Variants in BACH2 observed in about 807,000 individuals in gnomAD.
BACH2 encodes the protein transcription regulator protein BACH2.
Under a neutral mutation model 61.8 loss-of-function variants are expected in BACH2, and 5 were observed. That is an observed-to-expected ratio of 0.08 (90% CI 0.04 to 0.17). The LOEUF (loss-of-function observed/expected upper bound fraction) is 0.17. Among genes scored for constraint, BACH2 ranks in the 10% least tolerant of loss-of-function variants. The pLI is 1.00. For missense variants in BACH2, 824 were observed against 1,091.1 expected, an observed-to-expected ratio of 0.76 and a Z score of 3.45; for synonymous variants, 446 against 440.1, an observed-to-expected ratio of 1.01 and a Z score of -0.17.
At chr6:90,118,108 G>A (rs372672974) in intron 4 of BACH2, among the ~76,000 whole-genome samples, 1 of 152,160 alleles carries the variant, frequency 6.6e-6, no homozygotes, top group Non-Finnish European at 1.5e-5. Flanking sequence ...GGTCCTTAAA[G>A]TTGAAGTTCC....
At chr6:90,006,330 C>A (rs1401684279) in intron 6 of BACH2, among the ~76,000 whole-genome samples, 1 of 152,152 alleles carries the variant, frequency 6.6e-6, no homozygotes, top group Non-Finnish European at 1.5e-5. Flanking sequence ...GGCAGGACAG[C>A]TAGTTAAGTA....
intron 2 of BACH2, among the ~76,000 whole-genome samples, chr6:90,267,384 C>T (rs1333486568): frequency 6.6e-6 from 1 of 152,068 alleles, no homozygotes; most frequent in Non-Finnish European, 1.5e-5. Flanking sequence ...CACTTTACAC[C>T]GCAGAGAGAG....
intron 7 of BACH2, among the ~76,000 whole-genome samples, chr6:89,941,146 G>A (rs926240319): frequency 6.6e-6 from 1 of 152,198 alleles, no homozygotes; most frequent in African/African-American, 2.4e-5. Context: ...AGGGAGTGAG[G>A]ATGAAGACAT....
chr6:90,244,095 C>T (rs952799454), intron 3 of BACH2, among the ~76,000 whole-genome samples: 3 of 151,804 alleles, frequency 2.0e-5, no homozygotes, highest in Non-Finnish European at 4.4e-5. Flanking sequence ...CTAATTTTTG[C>T]AATTTTAGTA....
rs536831236 is a variant in BACH2, at chr6:90,052,599, TTAG to T, written c.-13+36359_-13+36361del. On this transcript the variant is annotated intron_variant, in intron 5 of 8. Coordinates refer to ENST00000257749, the MANE Select transcript of BACH2 (RefSeq NM_021813.4). ...CATGCCTGGCTAATTTTTCATATTT[TTAG>T]TAGAGACAGGGTTTCGCCATGTTGG... Among the ~76,000 whole-genome samples, 7 of 152,290 alleles carry T rather than the reference TTAG, an allele frequency of 4.6e-5. No homozygotes were observed. In the South Asian group the frequency reaches 1.0e-3, roughly 23 times the overall value.
Position 90,035,729 on chromosome 6 carries a change from T to G in BACH2, c.-12-26873A>C, listed in dbSNP as rs145513935. On this transcript the variant is annotated intron_variant, in intron 5 of 8. Coordinates refer to ENST00000257749, the MANE Select transcript of BACH2 (RefSeq NM_021813.4). ...AGGAAGACAGGGTGAAAAAACAGTT[T>G]CATTTCAGTGGTAGAAAGAACTTGT... 3.9e-5 allele frequency among the ~76,000 whole-genome samples: 6 copies of G among 152,154 alleles called. No homozygotes were observed. The East Asian group carries it at 1.2e-3, about 29-fold the overall frequency.
intron 4 of BACH2, among the ~76,000 whole-genome samples, chr6:90,133,522 TTTTATTTTA>T (rs1288923666): frequency 6.6e-6 from 1 of 150,526 alleles, no homozygotes; most frequent in African/African-American, 2.5e-5. Context: ...TTTCTTTTTA[TTTTATTTTA>T]TTTATTTATT....
rs942936266 is a variant in BACH2, at chr6:89,995,599, C to T, written c.243+13003G>A. Among the ~76,000 whole-genome samples, 11 of 152,230 alleles carry T rather than the reference C, an allele frequency of 7.2e-5. 1 individual carries two copies. In the South Asian group the frequency reaches 2.3e-3, roughly 32 times the overall value. ...TGTGTGTGATGTTACTTTGTTTCCG[C>T]ATGTGTTGTTTTGGTATAATAATAG... On this transcript the variant is annotated intron_variant, in intron 6 of 8. Coordinates refer to ENST00000257749, the MANE Select transcript of BACH2 (RefSeq NM_021813.4).
intron 2 of BACH2, among the ~76,000 whole-genome samples, chr6:90,264,529 G>A (rs1427079679): frequency 6.6e-6 from 1 of 152,166 alleles, no homozygotes; most frequent in African/African-American, 2.4e-5. Flanking sequence ...TACTTAATGA[G>A]CACCAGGTTT....
intron 4 of BACH2, among the ~76,000 whole-genome samples, chr6:90,136,436 C>T (rs1784273990): frequency 6.6e-6 from 1 of 152,172 alleles, no homozygotes; most frequent in Non-Finnish European, 1.5e-5. Flanking sequence ...AGCTGCCACA[C>T]TGGCAAAATG....
chr6:89,954,309 T>TA (rs1774293529), intron 6 of BACH2, among the ~76,000 whole-genome samples: 1 of 148,234 alleles, frequency 6.7e-6, no homozygotes, highest in African/African-American at 2.5e-5. Flanking sequence ...TTTTTTTTTT[T>TA]ATTATTATTA....
At chr6:89,995,304 T>A (rs1460181644) in intron 6 of BACH2, among the ~76,000 whole-genome samples, 1 of 151,920 alleles carries the variant, frequency 6.6e-6, no homozygotes, top group African/African-American at 2.4e-5. Context: ...GGTAAGCTTG[T>A]TCCTCTAATC....
chr6:89,959,609 T>A (rs773964438), intron 6 of BACH2, among the ~76,000 whole-genome samples: 4 of 152,228 alleles, frequency 2.6e-5, no homozygotes, highest in Non-Finnish European at 5.9e-5. Context: ...TCTGTGCGTG[T>A]GTATCTCTGT....
intron 4 of BACH2, among the ~76,000 whole-genome samples, chr6:90,146,174 C>T (rs1784612433): frequency 6.6e-6 from 1 of 152,148 alleles, no homozygotes; most frequent in African/African-American, 2.4e-5. Flanking sequence ...AATCAATAGT[C>T]TTTCATCACC....
At position 90,208,266 on chromosome 6, in the gene BACH2, G is replaced by C. The variant is rs542732871; in HGVS notation, c.-274-1585C>G. Reference sequence around the variant, plus strand: ...AAAGAAACTATCAGCAGAGTGAACAGGCAACCTACAGATGGGAGAAAGTTT... The same window carrying C: ...AAAGAAACTATCAGCAGAGTGAACACGCAACCTACAGATGGGAGAAAGTTT... On this transcript the variant is annotated intron_variant, in intron 3 of 8. Coordinates refer to ENST00000257749, the MANE Select transcript of BACH2 (RefSeq NM_021813.4). 4.2e-4 allele frequency among the ~76,000 whole-genome samples: 64 copies of C among 152,272 alleles called. 1 individual carries two copies. In the South Asian group the frequency reaches 5.4e-3, roughly 13 times the overall value.
chr6:89,971,722 G>A lies in BACH2; in HGVS notation c.244-19860C>T, dbSNP rs73494910. The stretch of plus-strand genomic sequence containing the variant: ...GAGCAAAGGGACATCTTACATGGCC[G>A]CTGGCAAAGACAGAATGAGAGCCAA... On this transcript the variant is annotated intron_variant, in intron 6 of 8. Coordinates refer to ENST00000257749, the MANE Select transcript of BACH2 (RefSeq NM_021813.4). 8.7e-3 allele frequency among the ~76,000 whole-genome samples: 1,332 copies of A among 152,288 alleles called. 24 individuals are homozygous for A. The highest frequency in any genetic ancestry group is 0.03 in the African/African-American group (1,241 of 41,546).
At chr6:90,048,319 G>C (rs2127793615) in intron 5 of BACH2, among the ~76,000 whole-genome samples, 1 of 152,204 alleles carries the variant, frequency 6.6e-6, no homozygotes. Flanking sequence ...CGTAGAGACA[G>C]GGTCTCACTA....
At chr6:90,082,361 T>C (rs1781759548) in intron 5 of BACH2, among the ~76,000 whole-genome samples, 1 of 152,130 alleles carries the variant, frequency 6.6e-6, no homozygotes, top group African/African-American at 2.4e-5. Context: ...AAAATACTGG[T>C]TGACAGGAAT....
At chr6:90,150,174 T>G (rs2127829598) in intron 4 of BACH2, among the ~76,000 whole-genome samples, 1 of 152,272 alleles carries the variant, frequency 6.6e-6, no homozygotes, top group South Asian at 2.1e-4. Flanking sequence ...AGCCCACCCC[T>G]GCAGCGTCTC....
Sources: allele counts gnomAD v4.1 joint callset (sites outside exome capture counted in the v4.1 genomes callset), GRCh38; gene constraint gnomAD v4.1.1; transcripts MANE v1.5; gene names NCBI Gene and HGNC (gene_info 2026-07-23, HGNC 2026-07-21).